The following TIAM1 variants were observed in gnomAD, a reference collection of about 807,000 sequenced individuals.
The protein encoded by TIAM1 is TIAM Rac1 associated GEF 1.
In TIAM1, 65 loss-of-function variants were observed where a neutral mutation model predicts 163.5. That is an observed-to-expected ratio of 0.40 (90% confidence interval 0.33 to 0.49). TIAM1 has a LOEUF of 0.49. Ranked by LOEUF, TIAM1 falls within the 20% of genes least tolerant of loss-of-function variation. TIAM1 has a pLI of 0.77. For missense variants in TIAM1, 1,789 were observed against 2,044.7 expected, an observed-to-expected ratio of 0.87 and a Z score of 2.41; for synonymous variants, 833 against 810.1, an observed-to-expected ratio of 1.03 and a Z score of -0.48.
At position 31,464,533 on chromosome 21, in the gene TIAM1, C is replaced by T. The variant is rs148189328; in HGVS notation, c.-421-498G>A. Among the ~76,000 whole-genome samples, 1,217 of 152,140 alleles carry T rather than the reference C, an allele frequency of 8.0e-3. 15 individuals carry two copies. The highest frequency in any genetic ancestry group is 0.028 in the African/African-American group (1,159 of 41,520). On this transcript the variant is annotated intron_variant, in intron 1 of 28. Transcript: ENST00000286827. ...GACCAGTCTCGGCAACACGGCAAAA[C>T]GCTGTCTCTACAAAAAATAAAAATA...
intron 6 of TIAM1, among the ~76,000 whole-genome samples, chr21:31,226,441 G>A (rs938507029): frequency 1.4e-4 from 22 of 152,186 alleles, no homozygotes. Context: ...GACAGAACTA[G>A]GGTTGGGGAA....
intron 1 of TIAM1, among the ~76,000 whole-genome samples, chr21:31,520,650 A>G (rs533475008): frequency 5.3e-5 from 8 of 152,326 alleles, no homozygotes; most frequent in Admixed American, 3.3e-4. Context: ...ATGATCGCAA[A>G]GCGAAAATCC....
At chr21:31,127,223 T>C in intron 25 of TIAM1, 71 bp from the exon 26 acceptor site, 1 of 1,419,706 alleles carries the variant, frequency 7.0e-7, no homozygotes. Context: ...TGCAAAAGCA[T>C]TTTTCAGCTG....
rs59110882 is a variant in TIAM1, at chr21:31,451,718, C to CGTGTGT, written c.-369+12259_-369+12264dup. Among the ~76,000 whole-genome samples, 1,092 of 142,204 alleles carry CGTGTGT rather than the reference C, an allele frequency of 7.7e-3. 6 individuals carry two copies. Among genetic ancestry groups the CGTGTGT allele is most frequent in the South Asian group, 0.012 (54 of 4,410 alleles). 93.3% of individuals were successfully genotyped at this position (142,204 alleles called of 152,430 possible). On this transcript the variant is annotated intron_variant, in intron 2 of 28. Coordinates refer to the TIAM1 transcript ENST00000286827. The stretch of plus-strand genomic sequence containing the variant: ...CAGGCTGAGTGAAAGCATGTGTGTG[C>CGTGTGT]GTGTGTGTGTGTGTGTGTGTGTGTG...
Position 31,165,065 on chromosome 21 carries a change from C to T in TIAM1, c.2888G>A (p.Gly963Glu), listed in dbSNP as rs1181235723. 5 of 1,613,600 alleles carry T rather than the reference C, an allele frequency of 3.1e-6. No individual in the cohort carries two copies. The highest frequency in any genetic ancestry group is 1.7e-5 in the Admixed American group (1 of 59,992). Residue 963 changes from glycine (G) to glutamate (E), a missense_variant and splice_region_variant, in exon 16 of 28, where the codon GGG (glycine) becomes GAG (glutamate). Gly to Glu is a moderately conservative substitution (Grantham distance 98). Transcript: ENST00000541036. ...SPLAFLTSNP[G>E]HSLCSEQGSS... is the part of the protein sequence containing the mutation. ...GCCCTGCTCGCTGCAAAGGCTGTGC[C>T]CTGTCAGATGAAATCAGAAGAAAAT...
At chr21:31,125,098 T>C (rs1381032226) in intron 26 of TIAM1, among the ~76,000 whole-genome samples, 2 of 152,098 alleles carry the variant, frequency 1.3e-5, no homozygotes, top group Non-Finnish European at 2.9e-5. Context: ...CTCAACGTCC[T>C]AATGTCCTCT....
chr21:31,203,124 T>C, intron 11 of TIAM1, 112 bp from the exon 12 acceptor site: 1 of 901,622 alleles, frequency 1.1e-6, no homozygotes, highest in Non-Finnish European at 1.7e-6. Flanking sequence ...TTTGTTGTTG[T>C]TGTTGTTGTT....
chr21:31,125,673 CAA>C (rs2082169915), intron 26 of TIAM1, among the ~76,000 whole-genome samples: 1 of 152,222 alleles, frequency 6.6e-6, no homozygotes, highest in East Asian at 1.9e-4. Context: ...CTCCCAGGTT[CAA>C]GTGATTGTCC....
chr21:31,496,230 C>T (rs960059145), intron 1 of TIAM1, among the ~76,000 whole-genome samples: 9 of 152,090 alleles, frequency 5.9e-5, no homozygotes, highest in African/African-American at 2.2e-4. Context: ...TGGCTCACGC[C>T]TGTAATCCCA....
chr21:31,220,813 C>A (rs375796655), intron 8 of TIAM1, among the ~76,000 whole-genome samples: 1 of 152,344 alleles, frequency 6.6e-6, no homozygotes, highest in Middle Eastern at 3.4e-3. Context: ...TTTGCCCAGA[C>A]AATGCCTCCC....
In TIAM1 at chr21:31,145,041, A is replaced by T. The variant is rs1404761771; in HGVS notation, c.3475+1854T>A. On this transcript the variant is annotated intron_variant, in intron 20 of 27. Coordinates refer to ENST00000541036, the MANE Select transcript of TIAM1 (RefSeq NM_001353694.2). ...ATATAATTTCACTGTGGAGCAAAGC[A>T]CTCTAAAATTGTTACTTTAACAATC... Among the ~76,000 whole-genome samples, 4 of 152,106 alleles carry T rather than the reference A, an allele frequency of 2.6e-5. No homozygotes were observed. The East Asian group carries it at 7.7e-4, about 29-fold the overall frequency.
At chr21:31,149,343 G>GA (rs1465036809) in intron 19 of TIAM1, among the ~76,000 whole-genome samples, 2 of 152,082 alleles carry the variant, frequency 1.3e-5, no homozygotes, top group Non-Finnish European at 2.9e-5. Flanking sequence ...ATCAAAAATC[G>GA]AAAATCCAGA....
At chr21:31,527,394 G>A (rs1164269107) in intron 1 of TIAM1, among the ~76,000 whole-genome samples, 3 of 152,138 alleles carry the variant, frequency 2.0e-5, no homozygotes, top group Non-Finnish European at 4.4e-5. Flanking sequence ...AACTTTGCAG[G>A]AAAGTTCTAA....
intron 1 of TIAM1, among the ~76,000 whole-genome samples, chr21:31,480,176 C>T (rs1255653282): frequency 6.6e-6 from 1 of 152,210 alleles, no homozygotes; most frequent in East Asian, 1.9e-4. Context: ...AAGGTTCAGC[C>T]TCCAAGAGCA....
intron 2 of TIAM1, among the ~76,000 whole-genome samples, chr21:31,353,833 A>ATTTTTTT (rs2076272701): frequency 1.6e-4 from 6 of 38,054 alleles, no homozygotes; most frequent in South Asian, 1.1e-3. Flanking sequence ...TTATTTATTT[A>ATTTTTTT]TCTTTTTTTT....
At chr21:31,242,110 C>T (rs996735185) in intron 6 of TIAM1, among the ~76,000 whole-genome samples, 3 of 152,136 alleles carry the variant, frequency 2.0e-5, no homozygotes, top group African/African-American at 7.2e-5. Flanking sequence ...ACAAAGATTT[C>T]AAGCAACTAT....
chr21:31,192,924 G>A (rs983770409), intron 13 of TIAM1, among the ~76,000 whole-genome samples: 2 of 152,134 alleles, frequency 1.3e-5, no homozygotes, highest in Non-Finnish European at 2.9e-5. Context: ...AACCCACAAG[G>A]GACGCGTGGT....
At chr21:31,179,891 T>C (rs979239731) in intron 15 of TIAM1, among the ~76,000 whole-genome samples, 1 of 151,146 alleles carries the variant, frequency 6.6e-6, no homozygotes, top group Admixed American at 6.6e-5. Flanking sequence ...CACGTACATA[T>C]ACATACACAG....
chr21:31,221,786 A>C (rs1465466431), intron 8 of TIAM1, among the ~76,000 whole-genome samples: 1 of 152,220 alleles, frequency 6.6e-6, no homozygotes, highest in Non-Finnish European at 1.5e-5. Flanking sequence ...TCTGACAAGG[A>C]GATAAAGAAG....
Sources: allele counts gnomAD v4.1 joint callset (sites outside exome capture counted in the v4.1 genomes callset), GRCh38; gene constraint gnomAD v4.1.1; transcripts MANE v1.5; gene names NCBI Gene and HGNC (gene_info 2026-07-23, HGNC 2026-07-21).